Variants in FAM32A observed in about 807,000 individuals in gnomAD.
The protein encoded by FAM32A is family with sequence similarity 32 member A, also known as protein FAM32A.
A neutral mutation model predicts 15.8 loss-of-function variants in FAM32A; 9 were observed. The ratio of observed to expected loss-of-function variants is 0.57; its 90% confidence interval spans 0.34 to 1.00. The LOEUF is 1.00. Among genes scored for constraint, FAM32A ranks in the 50% least tolerant of loss-of-function variants. FAM32A has a pLI of 0.02. For synonymous variants in FAM32A, 64 were observed against 54.9 expected (o/e 1.16, Z -0.73); for missense variants, 113 against 138.3 (o/e 0.82, Z 0.92).
Position 16,191,013 on chromosome 19 carries a change from G to A in FAM32A, c.*58G>A. On this transcript the variant is annotated 3_prime_UTR_variant, in exon 4 of 4. Transcript: ENST00000263384. Reference sequence around the variant, plus strand: ...GTTCGCAAAAGGCCACACTGGGGTTGTGTGTGTTTCCTTTGGTATATTCTG... The same window carrying A: ...GTTCGCAAAAGGCCACACTGGGGTTATGTGTGTTTCCTTTGGTATATTCTG... 7.7e-7 allele frequency: 1 copy of A among 1,304,726 alleles called. No individual in the cohort carries two copies. Among genetic ancestry groups the A allele is most frequent in the Admixed American group, 1.7e-5 (1 of 59,290 alleles). 80.8% of individuals were successfully genotyped at this position (1,304,726 alleles called of 1,614,324 possible). A position where few individuals can be genotyped will look rare whatever the true frequency, so the allele number is the denominator to read the frequency against.
rs1399069755 is a variant in FAM32A, at chr19:16,191,088, G to A, written c.*133G>A. On this transcript the variant is annotated 3_prime_UTR_variant, in exon 4 of 4. Transcript: ENST00000263384. Reference sequence around the variant, plus strand: ...CATCTTCTGCTACAGACTGCTTTTCGAAGCTGTGTACCCTCATTCTGGAAC... The same window carrying A: ...CATCTTCTGCTACAGACTGCTTTTCAAAGCTGTGTACCCTCATTCTGGAAC... The A allele has an allele frequency of 6.3e-5, 45 of 715,796 alleles. 1 individual carries two copies. The highest frequency in any genetic ancestry group is 7.4e-4 in the Middle Eastern group (2 of 2,704). The allele number at this position is 715,796 out of a possible 1,614,324, so 44.3% of individuals were successfully genotyped here. A position where few individuals can be genotyped will look rare whatever the true frequency, so the allele number is the denominator to read the frequency against.
chr19:16,185,780 A>T lies in FAM32A; in HGVS notation c.216+15A>T, dbSNP rs1299752662. The T allele has an allele frequency of 6.5e-7, 1 of 1,545,724 alleles. No individual in the cohort carries two copies. Among genetic ancestry groups the T allele is most frequent in the East Asian group, 2.4e-5 (1 of 40,884 alleles). On this transcript the variant is annotated intron_variant, in intron 2 of 3. Coordinates refer to ENST00000263384, the MANE Select transcript of FAM32A (RefSeq NM_014077.4). Reference sequence around the variant, plus strand: ...AGGAGAAGCGGGTGAGCAGAAGCAGAAGGCGGCGGGGAGGCGGGAACACCC... The same window carrying T: ...AGGAGAAGCGGGTGAGCAGAAGCAGTAGGCGGCGGGGAGGCGGGAACACCC...
Position 16,191,238 on chromosome 19 carries a change from G to A in FAM32A, c.*283G>A. On this transcript the variant is annotated 3_prime_UTR_variant, in exon 4 of 4. Coordinates refer to ENST00000263384, the MANE Select transcript of FAM32A (RefSeq NM_014077.4). ...CAGAGGTAAAGCCCATTGTGTGTCT[G>A]TGTCATGTAAAAATGTTTTCACCCG... 1 of 415,718 alleles carries A rather than the reference G, an allele frequency of 2.4e-6. No homozygotes were observed. Among genetic ancestry groups the A allele is most frequent in the Non-Finnish European group, 4.5e-6 (1 of 222,792 alleles). The allele number at this position is 415,718 out of a possible 1,614,324, so 25.8% of individuals were successfully genotyped here.
intron 2 of FAM32A, among the ~76,000 whole-genome samples, chr19:16,188,530 C>G (rs2091394080): frequency 6.6e-6 from 1 of 152,208 alleles, no homozygotes; most frequent in Non-Finnish European, 1.5e-5. Context: ...GTGGGAAGAT[C>G]AGTTGAGCCC....
intron 3 of FAM32A, 95 bp from the exon 4 acceptor site, chr19:16,190,792 T>C (rs543724965): frequency 9.3e-7 from 1 of 1,074,628 alleles, no homozygotes; most frequent in Admixed American, 1.7e-5. Flanking sequence ...TCAGGAGAGA[T>C]AGGATGTGGG....
Position 16,191,113 on chromosome 19 carries a change from C to A in FAM32A, c.*158C>A. ...GAAGCTGTGTACCCTCATTCTGGAA[C>A]TTGATTAAAGTAAGATCGTCCTTGT... On this transcript the variant is annotated 3_prime_UTR_variant, in exon 4 of 4. Transcript: ENST00000263384. The A allele has an allele frequency of 1.5e-6, 1 of 651,506 alleles. No individual in the cohort carries two copies. Among genetic ancestry groups the A allele is most frequent in the Non-Finnish European group, 2.8e-6 (1 of 358,402 alleles). The allele number at this position is 651,506 out of a possible 1,614,324, so 40.4% of individuals were successfully genotyped here.
intron 2 of FAM32A, among the ~76,000 whole-genome samples, chr19:16,190,214 C>T (rs955527214): frequency 2.6e-5 from 4 of 152,184 alleles, no homozygotes; most frequent in Non-Finnish European, 5.9e-5. Context: ...TTCCTCCAAA[C>T]TGGGAGTGCT....
At position 16,190,988 on chromosome 19, in the gene FAM32A, G is replaced by A. The variant is rs781645378; in HGVS notation, c.*33G>A. Reference sequence around the variant, plus strand: ...CCCCCAGTATGGAGCAGCATCGAGGGTTCGCAAAAGGCCACACTGGGGTTG... The same window carrying A: ...CCCCCAGTATGGAGCAGCATCGAGGATTCGCAAAAGGCCACACTGGGGTTG... On this transcript the variant is annotated 3_prime_UTR_variant, in exon 4 of 4. Coordinates refer to ENST00000263384, the MANE Select transcript of FAM32A (RefSeq NM_014077.4). 6.4e-7 allele frequency: 1 copy of A among 1,555,624 alleles called. No homozygotes were observed. The highest frequency in any genetic ancestry group is 8.9e-7 in the Non-Finnish European group (1 of 1,126,754).
intron 2 of FAM32A, among the ~76,000 whole-genome samples, chr19:16,186,974 C>T (rs1252351560): frequency 6.6e-6 from 1 of 152,138 alleles, no homozygotes; most frequent in Non-Finnish European, 1.5e-5. Context: ...GCTGAGAAAC[C>T]CTAACCCTGG....
Position 16,190,908 on chromosome 19 carries a change from ACACT to A in FAM32A, c.296_299del (p.Leu99ArgfsTer69). On this transcript the variant is annotated frameshift_variant, in exon 4 of 4. Transcript: ENST00000263384. LOFTEE classifies it high-confidence loss of function. ...CCAGGACTTCAACAGACACCTGGAC[ACACT>A]CACGGAGCATTACGACATTCCCAAA... is the stretch of plus-strand genomic sequence containing the variant. 6.2e-7 allele frequency: 1 copy of A among 1,614,160 alleles called. No homozygotes were observed. The highest frequency in any genetic ancestry group is 8.5e-7 in the Non-Finnish European group (1 of 1,180,006).
chr19:16,186,839 G>A (rs2091387858), intron 2 of FAM32A: 1 of 152,194 alleles, frequency 6.6e-6, no homozygotes, highest in Non-Finnish European at 1.5e-5. Context: ...TTCTCAACTG[G>A]GTTGGGGTGG....
chr19:16,188,707 G>A (rs959293932), intron 2 of FAM32A, among the ~76,000 whole-genome samples: 1 of 152,226 alleles, frequency 6.6e-6, no homozygotes, highest in African/African-American at 2.4e-5. Flanking sequence ...GGCTTTGGCT[G>A]GGCTCACAGC....
intron 2 of FAM32A, 97 bp downstream of exon 2, chr19:16,185,862 C>G: frequency 7.4e-7 from 1 of 1,355,894 alleles, no homozygotes; most frequent in South Asian, 1.4e-5. Context: ...GGCAGGGGAG[C>G]GGTCAGAGGA....
At chr19:16,185,578 CT>C in intron 1 of FAM32A, 45 bp from the exon 2 acceptor site, 1 of 1,590,230 alleles carries the variant, frequency 6.3e-7, no homozygotes, top group South Asian at 1.1e-5. Context: ...CTCGGGACCC[CT>C]GGCCCTGATC....
intron 2 of FAM32A, among the ~76,000 whole-genome samples, chr19:16,188,598 ATAG>A (rs2091394415): frequency 6.6e-6 from 1 of 152,234 alleles, no homozygotes; most frequent in African/African-American, 2.4e-5. Context: ...AAAAACTAAA[ATAG>A]TAGCTGGGTG....
intron 2 of FAM32A, among the ~76,000 whole-genome samples, chr19:16,189,760 T>A (rs2091399056): frequency 7.3e-6 from 1 of 136,690 alleles, no homozygotes; most frequent in African/African-American, 2.8e-5. Flanking sequence ...CACTGCAGCC[T>A]CAACCTCCTG....
chr19:16,190,423 T>C (rs1341600538), intron 2 of FAM32A, 97 bp from the exon 3 acceptor site: 1 of 801,996 alleles, frequency 1.2e-6, no homozygotes, highest in Non-Finnish European at 2.1e-6. Context: ...CTGTTCTAAA[T>C]GTGAGAGCCA....
intron 2 of FAM32A, among the ~76,000 whole-genome samples, chr19:16,187,007 C>T (rs1265698649): frequency 6.6e-6 from 1 of 152,132 alleles, no homozygotes; most frequent in Admixed American, 6.6e-5. Flanking sequence ...TGTACGGTGA[C>T]ACTGGGGAAA....
In FAM32A at chr19:16,185,412, C is replaced by G; in HGVS notation, c.-31C>G. 2 of 1,540,886 alleles carry G rather than the reference C, an allele frequency of 1.3e-6. No individual in the cohort carries two copies. The highest frequency in any genetic ancestry group is 2.4e-5 in the South Asian group (2 of 83,860). ...TAGTGTTTGCAAACAGGAAGTGTGG[C>G]ACTCCAGCTACCGAAGCACTGGAGA... On this transcript the variant is annotated 5_prime_UTR_variant, in exon 1 of 4. Transcript: ENST00000263384.
Sources: gnomAD v4.1 joint callset for allele counts (sites outside exome capture counted in the v4.1 genomes callset) on GRCh38, gnomAD v4.1.1 for gene constraint, MANE v1.5 for transcripts, NCBI Gene and HGNC (gene_info 2026-07-23, HGNC 2026-07-21) for gene names.